The following BMP5 variants were observed in gnomAD, a reference collection of about 807,000 sequenced individuals.
BMP5 encodes bone morphogenetic protein 5.
Under a neutral mutation model 46.6 loss-of-function variants are expected in BMP5, and 23 were observed. That is an observed-to-expected ratio of 0.49 (90% CI 0.35 to 0.70). BMP5 has a LOEUF of 0.70. BMP5 is among the 30% of genes least tolerant of loss of function. BMP5 has a pLI of 0.00. For synonymous variants in BMP5, 204 were observed against 191.9 expected (o/e 1.06, Z -0.52); for missense variants, 545 against 565.6 (o/e 0.96, Z 0.37).
intron 1 of BMP5, among the ~76,000 whole-genome samples, chr6:55,867,232 A>G (rs986669310): frequency 6.6e-6 from 1 of 152,020 alleles, no homozygotes; most frequent in Admixed American, 6.6e-5. Flanking sequence ...GTATCTAAGG[A>G]TTAGATGCAT....
chr6:55,805,890 T>G (rs1397380457), intron 2 of BMP5, among the ~76,000 whole-genome samples: 1 of 152,218 alleles, frequency 6.6e-6, no homozygotes, highest in Non-Finnish European at 1.5e-5. Flanking sequence ...TCTGTTCATA[T>G]CCTTTGCCCA....
At chr6:55,852,265 T>C (rs912100181) in intron 1 of BMP5, among the ~76,000 whole-genome samples, 1 of 152,078 alleles carries the variant, frequency 6.6e-6, no homozygotes, top group Non-Finnish European at 1.5e-5. Flanking sequence ...CTGATTTTTA[T>C]TTTAAGATGA....
At chr6:55,845,408 A>G (rs1777074872) in intron 1 of BMP5, among the ~76,000 whole-genome samples, 1 of 152,002 alleles carries the variant, frequency 6.6e-6, no homozygotes, top group African/African-American at 2.4e-5. Flanking sequence ...CTTGAAAAAA[A>G]AAATGATCTG....
chr6:55,864,697 AT>A (rs2127554679), intron 1 of BMP5, among the ~76,000 whole-genome samples: 1 of 152,274 alleles, frequency 6.6e-6, no homozygotes, highest in East Asian at 1.9e-4. Context: ...CAATAAATCT[AT>A]GTTTTCCCAC....
intron 1 of BMP5, among the ~76,000 whole-genome samples, chr6:55,836,953 C>G (rs1353141710): frequency 6.6e-6 from 1 of 151,730 alleles, no homozygotes; most frequent in Non-Finnish European, 1.5e-5. Flanking sequence ...CAAACTTCTT[C>G]AAATTTGTAA....
rs113228079 is a variant in BMP5, at chr6:55,770,656, T to C, written c.1027+3393A>G. Among the ~76,000 whole-genome samples the C allele has an allele frequency of 2.2e-3, 342 of 152,144 alleles. 2 individuals are homozygous for C. The highest frequency in any genetic ancestry group is 4.0e-3 in the Non-Finnish European group (273 of 67,936). On this transcript the variant is annotated intron_variant, in intron 4 of 6. Coordinates refer to ENST00000370830, the MANE Select transcript of BMP5 (RefSeq NM_021073.4). ...GGCACAAGAGGCCTAGCTTTCAATC[T>C]ATCTGGACTTTCAACATACCTTCCT...
At chr6:55,850,389 G>GATAC (rs1777207276) in intron 1 of BMP5, among the ~76,000 whole-genome samples, 2 of 140,478 alleles carry the variant, frequency 1.4e-5, no homozygotes, top group Non-Finnish European at 3.1e-5. Context: ...TAGATAGATA[G>GATAC]ATAGATCGAT....
At chr6:55,822,521 A>G (rs572355257) in intron 1 of BMP5, among the ~76,000 whole-genome samples, 1 of 152,254 alleles carries the variant, frequency 6.6e-6, no homozygotes, top group African/African-American at 2.4e-5. Flanking sequence ...GAAGGTCAAT[A>G]TTCATAATTC....
intron 1 of BMP5, among the ~76,000 whole-genome samples, chr6:55,838,063 A>G (rs545752640): frequency 6.6e-6 from 1 of 152,152 alleles, no homozygotes; most frequent in African/African-American, 2.4e-5. Context: ...TCATCTGTTG[A>G]TGGACACTTA....
intron 2 of BMP5, 105 bp downstream of exon 2, chr6:55,819,550 C>T: frequency 2.2e-6 from 2 of 928,238 alleles, no homozygotes; most frequent in Admixed American, 2.1e-5. Flanking sequence ...ACTACATTGC[C>T]CCCAAAAAAA....
chr6:55,820,245 A>G (rs1236375033), intron 1 of BMP5, among the ~76,000 whole-genome samples: 1 of 152,140 alleles, frequency 6.6e-6, no homozygotes, highest in Admixed American at 6.6e-5. Flanking sequence ...CAGCACAGCC[A>G]TGGGAGGGAA....
At chr6:55,863,977 C>T (rs181351417) in intron 1 of BMP5, among the ~76,000 whole-genome samples, 4 of 151,932 alleles carry the variant, frequency 2.6e-5, no homozygotes, top group Non-Finnish European at 5.9e-5. Context: ...CCTAAAGAAA[C>T]GTTTCTCAGA....
At chr6:55,810,880 G>A (rs530908316) in intron 2 of BMP5, among the ~76,000 whole-genome samples, 57 of 152,230 alleles carry the variant, frequency 3.7e-4, no homozygotes, top group African/African-American at 1.1e-3. Context: ...CGCACTAAAT[G>A]CTAGTAACAA....
intron 1 of BMP5, among the ~76,000 whole-genome samples, chr6:55,862,663 A>G (rs1777549329): frequency 6.6e-6 from 1 of 152,152 alleles, no homozygotes; most frequent in Non-Finnish European, 1.5e-5. Context: ...TTTGAGACAC[A>G]CTTATATTTT....
At chr6:55,853,136 C>CGTAA (rs1777287213) in intron 1 of BMP5, among the ~76,000 whole-genome samples, 1 of 104,186 alleles carries the variant, frequency 9.6e-6, no homozygotes, top group South Asian at 3.0e-4. Context: ...ATCTCAAATA[C>CGTAA]ATAAATAAAA....
intron 5 of BMP5, 71 bp from the exon 6 acceptor site, chr6:55,759,186 A>G (rs1178872798): frequency 1.3e-6 from 1 of 783,832 alleles, no homozygotes; most frequent in South Asian, 1.8e-5. Context: ...AAAAAAAACA[A>G]CAAGAAAAAA....
chr6:55,790,184 G>A (rs893266975), intron 3 of BMP5, among the ~76,000 whole-genome samples: 1 of 152,078 alleles, frequency 6.6e-6, no homozygotes, highest in African/African-American at 2.4e-5. Context: ...CTGCTCCTAT[G>A]TTACATTAAA....
chr6:55,842,598 T>C (rs1776988609), intron 1 of BMP5, among the ~76,000 whole-genome samples: 1 of 151,818 alleles, frequency 6.6e-6, no homozygotes, highest in Admixed American at 6.6e-5. Flanking sequence ...TGGCTGCTGC[T>C]CTCAGCTGAG....
At chr6:55,830,292 T>G (rs572941474) in intron 1 of BMP5, among the ~76,000 whole-genome samples, 9 of 152,222 alleles carry the variant, frequency 5.9e-5, no homozygotes, top group Middle Eastern at 3.4e-3. Context: ...TTTTATTGAA[T>G]GAGACCACAC....
Sources: allele counts gnomAD v4.1 joint callset (sites outside exome capture counted in the v4.1 genomes callset), GRCh38; gene constraint gnomAD v4.1.1; transcripts MANE v1.5; gene names NCBI Gene and HGNC (gene_info 2026-07-23, HGNC 2026-07-21).